NF2: variants seen among roughly 807,000 people sequenced by gnomAD.
The protein encoded by NF2 is merlin.
NF2 carries 8 observed loss-of-function variants against 83.7 expected under a neutral mutation model. The ratio of observed to expected loss-of-function variants is 0.10; its 90% CI spans 0.06 to 0.17. The LOEUF (loss-of-function observed/expected upper bound fraction) is 0.17, where lower values mean the gene tolerates loss of function less well. Ranked by LOEUF, NF2 falls within the 10% of genes least tolerant of loss-of-function variation. The pLI is 1.00. For missense variants in NF2, 533 were observed against 744.4 expected (o/e 0.72, Z 3.31); for synonymous variants, 266 against 269.6 (o/e 0.99, Z 0.13).
chr22:29,686,639 CATAA>C (rs903500381), intron 15 of NF2, among the ~76,000 whole-genome samples: 1 of 152,192 alleles, frequency 6.6e-6, no homozygotes, highest in African/African-American at 2.4e-5. Context: ...GATTCCATCT[CATAA>C]ATAAATAAAT....
chr22:29,626,945 C>G (rs1056971378), intron 1 of NF2, among the ~76,000 whole-genome samples: 17 of 152,274 alleles, frequency 1.1e-4, no homozygotes, highest in African/African-American at 3.9e-4. Flanking sequence ...ATAAGAACTT[C>G]TATTTTTCAG....
chr22:29,681,023 G>A (rs2067116626), intron 14 of NF2, among the ~76,000 whole-genome samples: 1 of 151,602 alleles, frequency 6.6e-6, no homozygotes, highest in African/African-American at 2.4e-5. Context: ...TTTACCAAGG[G>A]CTTTTCTACT....
At chr22:29,669,987 C>T (rs1156569419) in intron 10 of NF2, among the ~76,000 whole-genome samples, 1 of 151,928 alleles carries the variant, frequency 6.6e-6, no homozygotes, top group African/African-American at 2.4e-5. Flanking sequence ...GGGCCAGGAA[C>T]TGAAGGAGAT....
In NF2 at chr22:29,697,953, A is replaced by G. The variant is rs919053148; in HGVS notation, c.*3151A>G. ...AAGCCCAAAGAGCAGCGTCCTGACC[A>G]TGGTGGTTTCATTACGAGCCCTTCT... On this transcript the variant is annotated 3_prime_UTR_variant, in exon 16 of 16. Coordinates refer to ENST00000338641, the MANE Select transcript of NF2 (RefSeq NM_000268.4). 8.9e-6 allele frequency: 2 copies of G among 224,970 alleles called. No individual in the cohort carries two copies. The highest frequency in any genetic ancestry group is 2.2e-5 in the African/African-American group (1 of 44,824). The allele number at this position is 224,970 out of a possible 1,614,324, so 13.9% of individuals were successfully genotyped here. A position where few individuals can be genotyped will look rare whatever the true frequency, so the allele number is the denominator to read the frequency against.
Position 29,677,796 on chromosome 22 carries a change from A to T in NF2, c.1447-400A>T, listed in dbSNP as rs145406159. Among the ~76,000 whole-genome samples the T allele has an allele frequency of 1.4e-3, 213 of 152,348 alleles. 3 individuals are homozygous for T. In the South Asian group the frequency reaches 0.023, roughly 16 times the overall value. ...ACAGTGTTTACCTTTTTTAACAGTG[A>T]TGATCTGTGAACACATCTATTTCCT... On this transcript the variant is annotated intron_variant, in intron 13 of 15. Coordinates refer to ENST00000338641, the MANE Select transcript of NF2 (RefSeq NM_000268.4).
intron 1 of NF2, among the ~76,000 whole-genome samples, chr22:29,618,760 A>C (rs927994006): frequency 1.3e-5 from 2 of 152,250 alleles, no homozygotes; most frequent in Non-Finnish European, 2.9e-5. Context: ...ATGTTTTCAC[A>C]TACCTAAGTG....
At chr22:29,661,081 G>A (rs1398868844) in intron 7 of NF2, 124 bp from the exon 8 acceptor site, 30 of 1,380,190 alleles carry the variant, frequency 2.2e-5, no homozygotes, top group Non-Finnish European at 3.0e-5. Context: ...AGACAGCTGT[G>A]ACTTCTGTTG....
chr22:29,643,169 T>TG (rs1351280419), intron 4 of NF2, among the ~76,000 whole-genome samples: 1 of 152,066 alleles, frequency 6.6e-6, no homozygotes, highest in Non-Finnish European at 1.5e-5. Flanking sequence ...TTTATAGAGA[T>TG]GGGGTCTCAC....
intron 8 of NF2, among the ~76,000 whole-genome samples, chr22:29,664,093 C>T (rs1225985748): frequency 6.6e-6 from 1 of 152,162 alleles, no homozygotes; most frequent in Non-Finnish European, 1.5e-5. Context: ...CTCAGGTATC[C>T]TGTCACATCA....
intron 11 of NF2, among the ~76,000 whole-genome samples, chr22:29,672,160 G>A (rs995743414): frequency 2.0e-5 from 3 of 152,122 alleles, no homozygotes; most frequent in Admixed American, 6.5e-5. Context: ...CTTTCACCAC[G>A]AGGTTGCCTT....
intron 1 of NF2, among the ~76,000 whole-genome samples, chr22:29,630,803 C>A (rs992182879): frequency 2.0e-5 from 3 of 152,176 alleles, no homozygotes; most frequent in Non-Finnish European, 2.9e-5. Context: ...GCGTGGAAAG[C>A]GATGGGGTTA....
At chr22:29,631,019 G>A (rs1023400240) in intron 1 of NF2, among the ~76,000 whole-genome samples, 1 of 152,158 alleles carries the variant, frequency 6.6e-6, no homozygotes, top group Non-Finnish European at 1.5e-5. Flanking sequence ...AGCCCCACAG[G>A]TATTGTTGCA....
chr22:29,673,290 G>C lies in NF2; in HGVS notation c.1144G>C (p.Asp382His). The C allele has an allele frequency of 6.3e-7, 1 of 1,581,632 alleles. No individual in the cohort carries two copies. Among genetic ancestry groups the C allele is most frequent in the Non-Finnish European group, 8.6e-7 (1 of 1,164,044 alleles). Residue 382 changes from aspartate (D) to histidine (H), a missense_variant, in exon 12 of 16, where the codon GAC becomes CAC. Asp to His is a moderately conservative substitution (Grantham distance 81). Around this residue, in one of 3 missense-constraint regions of NF2, gnomAD observed 326 missense variants for 475.1 expected, o/e 0.69. Coordinates refer to ENST00000338641, the MANE Select transcript of NF2 (RefSeq NM_000268.4). ...CCAGATGCGGTCTGAGGAGACAGCT[G>C]ACCTGTTGGCTGAAAAGGCCCAGAT... The part of the protein sequence containing the change: ...EALMRSEETA[D>H]LLAEKAQITE...
In NF2 at chr22:29,671,948, G is replaced by C; in HGVS notation, c.1122G>C (p.Leu374=). ...AAGCAACAATGGCCAACGAAGCACT[G>C]GTGATTTCTGAGGGGCTGGGGTTCC... ...KEEATMANEA[L]MRSEETADLL... is the part of the protein sequence containing the mutation. Residue 374 remains leucine, a splice_region_variant and synonymous_variant, in exon 11 of 16, where the codon CTG becomes CTC. Coordinates refer to ENST00000338641, the MANE Select transcript of NF2 (RefSeq NM_000268.4). 6.2e-7 allele frequency: 1 copy of C among 1,614,198 alleles called. No individual in the cohort carries two copies. Among genetic ancestry groups the C allele is most frequent in the Non-Finnish European group, 8.5e-7 (1 of 1,180,036 alleles).
intron 9 of NF2, 119 bp downstream of exon 9, chr22:29,665,183 C>A: frequency 1.2e-6 from 1 of 804,796 alleles, no homozygotes; most frequent in Non-Finnish European, 2.1e-6. Flanking sequence ...TCTCACTTGG[C>A]GCATACTTTC....
At chr22:29,647,719 T>G (rs1432073911) in intron 4 of NF2, among the ~76,000 whole-genome samples, 1 of 152,186 alleles carries the variant, frequency 6.6e-6, no homozygotes, top group Non-Finnish European at 1.5e-5. Context: ...AGCATCTACT[T>G]TGAGATGTAT....
intron 4 of NF2, among the ~76,000 whole-genome samples, chr22:29,642,490 A>ATG (rs368064281): frequency 2.0e-5 from 3 of 151,298 alleles, no homozygotes; most frequent in Non-Finnish European, 4.4e-5. Context: ...GTGTGTGTGT[A>ATG]TGTGTGTGTG....
At chr22:29,655,136 C>A in intron 5 of NF2, among the ~76,000 whole-genome samples, 1 of 152,162 alleles carries the variant, frequency 6.6e-6, no homozygotes, top group Non-Finnish European at 1.5e-5. Flanking sequence ...TATTCATTAG[C>A]CACAGAAGCA....
Position 29,642,393 on chromosome 22 carries a change from C to A in NF2, c.447+108C>A, listed in dbSNP as rs1402608823. 3 of 874,734 alleles carry A rather than the reference C, an allele frequency of 3.4e-6. No individual in the cohort carries two copies. In the South Asian group the frequency reaches 4.2e-5, roughly 12 times the overall value. The allele number at this position is 874,734 out of a possible 1,614,324, so 54.2% of individuals were successfully genotyped here. On this transcript the variant is annotated intron_variant, in intron 4 of 15. Coordinates refer to ENST00000338641, the MANE Select transcript of NF2 (RefSeq NM_000268.4). ...TTTCTGTACTTCAGAGAGACTTGCC[C>A]CAGAAAGTGAGATGTTATGGGACTT...
Sources: gnomAD v4.1 joint callset for allele counts (sites outside exome capture counted in the v4.1 genomes callset) on GRCh38, gnomAD v4.1.1 for gene constraint, gnomAD v4.1.1 regional missense constraint, MANE v1.5 for transcripts, NCBI Gene and HGNC (gene_info 2026-07-23, HGNC 2026-07-21) for gene names.